DYTN: variants seen among roughly 807,000 people sequenced by gnomAD.
DYTN encodes the protein dystrotelin.
DYTN carries 75 observed loss-of-function variants against 69.6 expected under a neutral mutation model. The observed-to-expected ratio is 1.08, with a 90% confidence interval of 0.89 to 1.31. The LOEUF (loss-of-function observed/expected upper bound fraction) is 1.31. Among genes scored for constraint, DYTN ranks in the 50% most tolerant of loss-of-function variants. The pLI, the probability that DYTN is intolerant of heterozygous loss-of-function variation, is 0.00. For synonymous variants in DYTN, 252 were observed against 249.1 expected (o/e 1.01, Z -0.11); for missense variants, 726 against 688.4 (o/e 1.05, Z -0.61).
intron 11 of DYTN, among the ~76,000 whole-genome samples, chr2:206,657,214 A>G (rs917929034): frequency 6.6e-6 from 1 of 152,166 alleles, no homozygotes; most frequent in African/African-American, 2.4e-5. Context: ...CCAAGGCTCA[A>G]GTGACCCTCC....
At chr2:206,681,280 C>T (rs1019043609) in intron 9 of DYTN, among the ~76,000 whole-genome samples, 1 of 152,070 alleles carries the variant, frequency 6.6e-6, no homozygotes, top group African/African-American at 2.4e-5. Context: ...TGGGCTGAGA[C>T]AATGGGGCTT....
At chr2:206,694,710 T>TATAGCTTATACTGAATTGATTAATGA in intron 8 of DYTN, 56 bp downstream of exon 8, 2 of 1,418,842 alleles carry the variant, frequency 1.4e-6, no homozygotes, top group African/African-American at 1.5e-5. Flanking sequence ...TTTTCATGGC[T>TATAGCTTATACTGAATTGATTAATGA]ATAGCTTATA....
rs1304920806 is a variant in DYTN at position 206,693,297 on chromosome 2, A to T, written c.858T>A (p.Leu286=). 2.5e-6 allele frequency: 4 copies of T among 1,612,980 alleles called. No homozygotes were observed. The highest frequency in any genetic ancestry group is 3.4e-6 in the Non-Finnish European group (4 of 1,179,826). The change falls in exon 9 of 12, where the codon CTT becomes CTA. Residue 286 remains leucine, a synonymous_variant. Transcript: ENST00000452335. The stretch of plus-strand genomic sequence containing the variant: ...GGTTGTTTCTGAGGGTCCTGAAGAG[A>T]AGTTTTGTATTCTGCATTGCTGACA... The part of the protein sequence containing the change: ...IQMSAMQNTK[L]LFRTLRNNLL...
chr2:206,705,749 C>A, intron 4 of DYTN, 39 bp downstream of exon 4: 1 of 1,594,370 alleles, frequency 6.3e-7, no homozygotes, highest in South Asian at 1.1e-5. Flanking sequence ...ATTTGGGGCT[C>A]ACTGCACTTT....
chr2:206,663,528 T>C, intron 10 of DYTN, 133 bp from the exon 11 acceptor site: 1 of 941,628 alleles, frequency 1.1e-6, no homozygotes, highest in Non-Finnish European at 1.5e-6. Context: ...TATATTATCA[T>C]TACTATTAAT....
intron 9 of DYTN, among the ~76,000 whole-genome samples, chr2:206,680,363 G>A (rs1292513569): frequency 6.6e-6 from 1 of 152,092 alleles, no homozygotes; most frequent in East Asian, 1.9e-4. Context: ...GGGATTATGG[G>A]AGCTACAATT....
intron 9 of DYTN, among the ~76,000 whole-genome samples, chr2:206,690,297 G>A (rs780281010): frequency 6.6e-6 from 1 of 152,208 alleles, no homozygotes; most frequent in Non-Finnish European, 1.5e-5. Context: ...AAGGAGAGCT[G>A]TGAGGCTGAA....
intron 11 of DYTN, among the ~76,000 whole-genome samples, chr2:206,657,037 T>A (rs1699458587): frequency 6.6e-6 from 1 of 152,148 alleles, no homozygotes; most frequent in South Asian, 2.1e-4. Flanking sequence ...GCTGGGATTA[T>A]AGTCGTGAGC....
chr2:206,660,804 G>A (rs752601195), intron 11 of DYTN, among the ~76,000 whole-genome samples: 5 of 152,078 alleles, frequency 3.3e-5, no homozygotes, highest in Non-Finnish European at 5.9e-5. Flanking sequence ...TAGAATCGCC[G>A]AATAATTAGT....
chr2:206,665,037 T>C (rs1353694674), intron 10 of DYTN, among the ~76,000 whole-genome samples: 1 of 152,212 alleles, frequency 6.6e-6, no homozygotes, highest in Non-Finnish European at 1.5e-5. Flanking sequence ...TGTTTTGGTG[T>C]AGTATTAAAG....
At chr2:206,675,721 T>G (rs563816591) in intron 9 of DYTN, among the ~76,000 whole-genome samples, 16 of 152,276 alleles carry the variant, frequency 1.1e-4, no homozygotes, top group Non-Finnish European at 1.9e-4. Context: ...ATTTCAAGAT[T>G]CGTTGAGAAG....
intron 11 of DYTN, among the ~76,000 whole-genome samples, chr2:206,654,676 A>G (rs1424743029): frequency 6.6e-6 from 1 of 152,214 alleles, no homozygotes; most frequent in Non-Finnish European, 1.5e-5. Flanking sequence ...TTACTATTCC[A>G]GTAAACACTT....
At position 206,704,952 on chromosome 2, in the gene DYTN, G is replaced by A; in HGVS notation, c.383-9C>T. 6.2e-7 allele frequency: 1 copy of A among 1,608,044 alleles called. No individual in the cohort carries two copies. The highest frequency in any genetic ancestry group is 8.5e-7 in the Non-Finnish European group (1 of 1,175,272). On this transcript the variant is annotated splice_polypyrimidine_tract_variant and intron_variant, in intron 4 of 11. Coordinates refer to ENST00000452335, the MANE Select transcript of DYTN (RefSeq NM_001093730.1). ...ATAGAGTTGAAAAAGAGCTAGACAT[G>A]TAGGAGGAACAATCTTTAAATTGAA...
intron 11 of DYTN, among the ~76,000 whole-genome samples, chr2:206,652,848 G>A (rs1172287011): frequency 6.6e-6 from 1 of 152,158 alleles, no homozygotes; most frequent in African/African-American, 2.4e-5. Flanking sequence ...GGGAGAGAGT[G>A]AAGAGCATGA....
chr2:206,675,115 A>ATGTGTG (rs757679127), intron 9 of DYTN, among the ~76,000 whole-genome samples: 22,026 of 131,080 alleles, frequency 0.17, 2,133 homozygotes, highest in Middle Eastern at 0.25. Context: ...ATATATATAT[A>ATGTGTG]TGTGTGTGTG....
chr2:206,704,659 C>T (rs577485750), intron 5 of DYTN, among the ~76,000 whole-genome samples, 184 bp downstream of exon 5: 1 of 152,254 alleles, frequency 6.6e-6, no homozygotes, highest in South Asian at 2.1e-4. Flanking sequence ...TCATAACCTT[C>T]TACTCATAAC....
At chr2:206,695,025 G>T in intron 7 of DYTN, 148 bp from the exon 8 acceptor site, 1 of 556,736 alleles carries the variant, frequency 1.8e-6, no homozygotes. Context: ...CCAAACTATA[G>T]GATTATTAAA....
intron 1 of DYTN, among the ~76,000 whole-genome samples, chr2:206,711,832 C>T (rs1247115691): frequency 6.6e-6 from 1 of 151,044 alleles, no homozygotes; most frequent in Admixed American, 6.6e-5. Context: ...TAAGGACCCA[C>T]AATTTTAAAT....
At chr2:206,707,232 C>T in intron 3 of DYTN, 70 bp downstream of exon 3, 1 of 1,537,368 alleles carries the variant, frequency 6.5e-7, no homozygotes, top group Non-Finnish European at 8.8e-7. Context: ...TTAGCCAGCA[C>T]CAAATGGTAA....
Sources: allele counts gnomAD v4.1 joint callset (sites outside exome capture counted in the v4.1 genomes callset), GRCh38; gene constraint gnomAD v4.1.1; transcripts MANE v1.5; gene names NCBI Gene and HGNC (gene_info 2026-07-23, HGNC 2026-07-21).